DYNC2H1: variants seen among roughly 807,000 people sequenced by gnomAD.
The protein encoded by DYNC2H1 is dynein cytoplasmic 2 heavy chain 1, also known as cytoplasmic dynein 2 heavy chain 1.
In DYNC2H1, 410 loss-of-function variants were observed where a neutral mutation model predicts 570.0. The observed-to-expected ratio is 0.72, with a 90% CI of 0.66 to 0.78. The LOEUF is 0.78. DYNC2H1 is among the 30% of genes least tolerant of loss of function. The probability of loss-of-function intolerance (pLI) is 0.00; values close to 1 mark genes in which losing one functional copy is unlikely to be tolerated. For synonymous variants in DYNC2H1, 1,688 were observed against 1,677.6 expected, an observed-to-expected ratio of 1.01 and a Z score of -0.15; for missense variants, 4,865 against 5,046.4, an observed-to-expected ratio of 0.96 and a Z score of 1.09.
At chr11:103,316,714 T>C (rs1389690104) in intron 80 of DYNC2H1, 94 bp downstream of exon 80, 2 of 914,184 alleles carry the variant, frequency 2.2e-6, no homozygotes, top group African/African-American at 1.8e-5. Flanking sequence ...CTTAACTTCC[T>C]ATCACAAAAT....
rs919512564 is a variant in DYNC2H1, at chr11:103,261,654, A to G, written c.10695+1677A>G. Reference sequence around the variant, plus strand: ...ACAAACAGAAAGGAATAGCATCAACATCAACAAAAAGGACATCTATACAAA... The same window carrying G: ...ACAAACAGAAAGGAATAGCATCAACGTCAACAAAAAGGACATCTATACAAA... On this transcript the variant is annotated intron_variant, in intron 70 of 88. Coordinates refer to ENST00000375735, the MANE Select transcript of DYNC2H1 (RefSeq NM_001377.3). This position sits in a 1 kb window ranked among gnomAD's most constrained non-coding sequence, Gnocchi z 4.8. Among the ~76,000 whole-genome samples, 4 of 152,236 alleles carry G rather than the reference A, an allele frequency of 2.6e-5. No homozygotes were observed. Among genetic ancestry groups the G allele is most frequent in the African/African-American group, 7.2e-5 (3 of 41,450 alleles).
In DYNC2H1 at chr11:103,147,801, A is replaced by G. The variant is rs368670401; in HGVS notation, c.2732A>G (p.Asn911Ser). The G allele has an allele frequency of 6.2e-6, 10 of 1,609,196 alleles. No individual in the cohort carries two copies. The highest frequency in any genetic ancestry group is 1.3e-5 in the African/African-American group (1 of 74,892). ...SAVKVDCLNI[N>S]CNPVKTVIDD... ...GTCAAGGTAGATTGTTTAAATATTAATTGCAACCCTGTGAAGACTGTGATT... is the reference window on the plus strand; with the variant it reads ...GTCAAGGTAGATTGTTTAAATATTAGTTGCAACCCTGTGAAGACTGTGATT... Residue 911 changes from asparagine to serine, a missense_variant, in exon 19 of 89, where the codon AAT (asparagine) becomes AGT (serine). Coordinates refer to ENST00000375735, the MANE Select transcript of DYNC2H1 (RefSeq NM_001377.3).
intron 50 of DYNC2H1, among the ~76,000 whole-genome samples, chr11:103,202,294 A>ATTTTTTTT (rs10635156): frequency 7.5e-6 from 1 of 132,700 alleles, no homozygotes; most frequent in Non-Finnish European, 1.6e-5. Context: ...AGAAACACAG[A>ATTTTTTTT]TTTTTTTTTT....
At chr11:103,434,748 TCA>T (rs1246451531) in intron 84 of DYNC2H1, among the ~76,000 whole-genome samples, 1 of 152,132 alleles carries the variant, frequency 6.6e-6, no homozygotes, top group African/African-American at 2.4e-5. Context: ...CTTGTCTCCT[TCA>T]CACAGCTCAC....
intron 52 of DYNC2H1, among the ~76,000 whole-genome samples, chr11:103,208,525 T>C (rs1279909979): frequency 2.0e-5 from 3 of 151,970 alleles, no homozygotes; most frequent in Non-Finnish European, 4.4e-5. Context: ...AAACAGAGAG[T>C]TCATGTGGCT....
chr11:103,352,948 C>T (rs1940123211), intron 82 of DYNC2H1, among the ~76,000 whole-genome samples: 1 of 152,216 alleles, frequency 6.6e-6, no homozygotes, highest in South Asian at 2.1e-4. Context: ...ACATGTACAC[C>T]ATGGAATACT....
rs140840877 is a variant in DYNC2H1, at chr11:103,209,115, T to G, written c.8455-761T>G. 1.8e-3 allele frequency among the ~76,000 whole-genome samples: 268 copies of G among 151,448 alleles called. No homozygotes were observed. The highest frequency in any genetic ancestry group is 3.0e-3 in the Non-Finnish European group (207 of 67,930). On this transcript the variant is annotated intron_variant, in intron 52 of 88. Coordinates refer to ENST00000375735, the MANE Select transcript of DYNC2H1 (RefSeq NM_001377.3). This position sits in a 1 kb window ranked among gnomAD's most constrained non-coding sequence, Gnocchi z 4.2. ...GACATCTTTTGGCTTACATTTTTTT[T>G]TCAGTCTGAGAAATTTAAAAAATGA...
At chr11:103,388,840 C>G (rs1942007805) in intron 83 of DYNC2H1, among the ~76,000 whole-genome samples, 1 of 152,098 alleles carries the variant, frequency 6.6e-6, no homozygotes, top group Non-Finnish European at 1.5e-5. Context: ...GCCTTGCATC[C>G]CAGGGTTGAA....
At chr11:103,212,784 A>G (rs529270356) in intron 54 of DYNC2H1, among the ~76,000 whole-genome samples, 3 of 152,182 alleles carry the variant, frequency 2.0e-5, no homozygotes, top group South Asian at 2.1e-4. Flanking sequence ...ACTTTCATTT[A>G]TATTAAGGTA....
intron 11 of DYNC2H1, 60 bp from the exon 12 acceptor site, chr11:103,125,040 G>A (rs1311140241): frequency 5.2e-6 from 7 of 1,341,950 alleles, no homozygotes; most frequent in African/African-American, 4.4e-5. Context: ...AACCTATTGT[G>A]TTTATTAGTC....
intron 82 of DYNC2H1, among the ~76,000 whole-genome samples, chr11:103,328,142 C>T (rs1437790574): frequency 6.6e-6 from 1 of 152,108 alleles, no homozygotes; most frequent in East Asian, 1.9e-4. Context: ...CTTAGTATTC[C>T]AATTTTTATG....
rs12420188 is a variant in DYNC2H1, at chr11:103,472,276, T to A, written c.12765+3571T>A. On this transcript the variant is annotated intron_variant, in intron 88 of 88. Coordinates refer to ENST00000375735, the MANE Select transcript of DYNC2H1 (RefSeq NM_001377.3). The surrounding 1 kb of genome is among the most constrained non-coding windows in gnomAD (Gnocchi z 4.1). ...ACGGTGGCTCACACCTGTAATCCCA[T>A]CACTTTGGGAGGCCAAGGCAGGAGA... Among the ~76,000 whole-genome samples the A allele has an allele frequency of 0.16, 24,840 of 152,012 alleles. 2,194 individuals carry two copies. The highest frequency in any genetic ancestry group is 0.25 in the Admixed American group (3,762 of 15,272).
chr11:103,234,062 A>C lies in DYNC2H1; in HGVS notation c.9469A>C (p.Lys3157Gln), dbSNP rs201532839. Residue 3157 changes from lysine to glutamine, a missense_variant, in exon 61 of 89, where the codon AAA becomes CAA. Transcript: ENST00000375735. Reference sequence around the variant, plus strand: ...TCAGAGCAGGACTTCAGAAGCTGCCAAACTTGAGGCTGAAGTAAGCAAGGC... The same window carrying C: ...TCAGAGCAGGACTTCAGAAGCTGCCCAACTTGAGGCTGAAGTAAGCAAGGC... ...KFQSRTSEAAKLEAEVSKAQE... is the reference protein window; with the variant it reads ...KFQSRTSEAAQLEAEVSKAQE... The C allele has an allele frequency of 1.9e-6, 3 of 1,560,616 alleles. No individual in the cohort carries two copies. In the African/African-American group the frequency reaches 4.1e-5, roughly 21 times the overall value.
chr11:103,196,847 T>A (rs2135069625), intron 47 of DYNC2H1, among the ~76,000 whole-genome samples: 1 of 152,234 alleles, frequency 6.6e-6, no homozygotes. Flanking sequence ...TAAGTTTTAG[T>A]ATAGTAGCCT....
chr11:103,410,217 A>G (rs1265589091), intron 84 of DYNC2H1, among the ~76,000 whole-genome samples: 3 of 152,114 alleles, frequency 2.0e-5, no homozygotes, highest in African/African-American at 7.2e-5. Context: ...GAAAGGTGAC[A>G]GGCAGTGTGT....
At chr11:103,352,801 T>C (rs1940115768) in intron 82 of DYNC2H1, among the ~76,000 whole-genome samples, 1 of 152,216 alleles carries the variant, frequency 6.6e-6, no homozygotes, top group Non-Finnish European at 1.5e-5. Flanking sequence ...TAACTGGGTA[T>C]ATACCCAAAG....
chr11:103,308,604 T>G (rs1183711740), intron 78 of DYNC2H1, among the ~76,000 whole-genome samples: 1 of 152,206 alleles, frequency 6.6e-6, no homozygotes, highest in Non-Finnish European at 1.5e-5. Context: ...TACATCGTTT[T>G]ACATTCCCAC....
At chr11:103,340,296 TC>T (rs1234267277) in intron 82 of DYNC2H1, among the ~76,000 whole-genome samples, 1 of 152,228 alleles carries the variant, frequency 6.6e-6, no homozygotes, top group African/African-American at 2.4e-5. Context: ...TATTTTTTTT[TC>T]TTTGCATTCT....
At chr11:103,168,983 AT>A in intron 32 of DYNC2H1, 23 bp downstream of exon 32, 3 of 1,537,746 alleles carry the variant, frequency 2.0e-6, no homozygotes, top group Non-Finnish European at 2.6e-6. Context: ...GCAGTGTTTT[AT>A]ATTTCCAATT....
Sources: gnomAD v4.1 joint callset for allele counts (sites outside exome capture counted in the v4.1 genomes callset) on GRCh38, gnomAD v4.1.1 for gene constraint, Gnocchi (gnomAD v3.1) non-coding constraint, MANE v1.5 for transcripts, NCBI Gene and HGNC (gene_info 2026-07-23, HGNC 2026-07-21) for gene names.